The following PTGR2 variants were observed in gnomAD, a reference collection of about 807,000 sequenced individuals.
PTGR2 encodes the protein 15-oxoprostaglandin 13-reductase.
A neutral mutation model predicts 43.4 loss-of-function variants in PTGR2; 32 were observed. The ratio of observed to expected loss-of-function variants is 0.74; its 90% CI spans 0.56 to 0.99. The LOEUF (loss-of-function observed/expected upper bound fraction) is 0.99. Ranked by LOEUF, PTGR2 falls within the 50% of genes least tolerant of loss-of-function variation. PTGR2 has a pLI of 0.00. For missense variants in PTGR2, 373 were observed against 420.0 expected (o/e 0.89, Z 0.98); for synonymous variants, 106 against 139.2 (o/e 0.76, Z 1.68).
chr14:73,875,656 T>C (rs1393559363), intron 4 of PTGR2, among the ~76,000 whole-genome samples: 2 of 152,034 alleles, frequency 1.3e-5, no homozygotes, highest in East Asian at 3.9e-4. Context: ...AGTTGATATT[T>C]ATAGGTACAT....
intron 3 of PTGR2, among the ~76,000 whole-genome samples, chr14:73,868,511 C>T (rs1476976907): frequency 1.3e-5 from 2 of 152,078 alleles, no homozygotes; most frequent in South Asian, 2.1e-4. Context: ...CTGTCCCTGG[C>T]AGGATTTGCT....
At chr14:73,881,772 C>CTT (rs57377878) in intron 8 of PTGR2, among the ~76,000 whole-genome samples, 15 of 69,264 alleles carry the variant, frequency 2.2e-4, no homozygotes, top group African/African-American at 6.9e-4. Context: ...CTAGGCTATT[C>CTT]TTTTTTTTTT....
rs768694018 is a variant in PTGR2 at position 73,879,154 on chromosome 14, G to T, written c.578G>T (p.Cys193Phe). Reference protein sequence around the residue: ...VVGICGTHEKCILLTSELGFD... With the variant: ...VVGICGTHEKFILLTSELGFD... ...GGAATTTGTGGAACACATGAGAAATGCATCCTCTTGACCTCAGAACTGGGC... is the reference window on the plus strand; with the variant it reads ...GGAATTTGTGGAACACATGAGAAATTCATCCTCTTGACCTCAGAACTGGGC... The change falls in exon 6 of 10, where the codon TGC becomes TTC. Residue 193 changes from cysteine to phenylalanine, a missense_variant. Coordinates refer to ENST00000555661, the MANE Select transcript of PTGR2 (RefSeq NM_001146154.2). The T allele has an allele frequency of 6.2e-7, 1 of 1,613,968 alleles. No homozygotes were observed. The highest frequency in any genetic ancestry group is 8.5e-7 in the Non-Finnish European group (1 of 1,180,014).
chr14:73,874,774 A>T (rs2054817959), intron 4 of PTGR2: 2 of 351,098 alleles, frequency 5.7e-6, no homozygotes, highest in African/African-American at 4.3e-5. Context: ...CATGGTAAAC[A>T]AAGGTTATCT....
At chr14:73,878,990 A>G in intron 5 of PTGR2, 106 bp from the exon 6 acceptor site, 2 of 890,684 alleles carry the variant, frequency 2.2e-6, no homozygotes, top group Non-Finnish European at 3.4e-6. Flanking sequence ...TCTAACCTTA[A>G]TTGTAATGAA....
rs557445108 is a variant in PTGR2 at position 73,884,134 on chromosome 14, T to A, written c.1013T>A (p.Ile338Asn). 3.1e-6 allele frequency: 5 copies of A among 1,608,840 alleles called. No homozygotes were observed. The South Asian group carries it at 4.4e-5, about 14-fold the overall frequency. ...CAGTCCATGATGACAGGAGGTAACATTGGAAAGCAGATAGTTTGCATTTCA... is the reference window on the plus strand; with the variant it reads ...CAGTCCATGATGACAGGAGGTAACAATGGAAAGCAGATAGTTTGCATTTCA... ...AFQSMMTGGN[I>N]GKQIVCISEE... is the part of the protein sequence containing the mutation. Residue 338 changes from isoleucine (I) to asparagine (N), a missense_variant, in exon 10 of 10, where the codon ATT becomes AAT. Transcript: ENST00000555661.
intron 3 of PTGR2, among the ~76,000 whole-genome samples, chr14:73,868,977 C>A (rs993315308): frequency 6.6e-6 from 1 of 152,090 alleles, no homozygotes; most frequent in African/African-American, 2.4e-5. Context: ...AAAACAGAGT[C>A]CCAGGTACAT....
chr14:73,876,920 C>T (rs1007835603), intron 4 of PTGR2, 78 bp from the exon 5 acceptor site: 2 of 1,079,118 alleles, frequency 1.9e-6, no homozygotes, highest in Non-Finnish European at 2.7e-6. Flanking sequence ...GCAATTCAGT[C>T]CATAACACGT....
chr14:73,863,950 G>A (rs2054548967), intron 3 of PTGR2, among the ~76,000 whole-genome samples: 1 of 151,960 alleles, frequency 6.6e-6, no homozygotes, highest in African/African-American at 2.4e-5. Flanking sequence ...CCCACCCAAG[G>A]TCACCTCTTG....
intron 3 of PTGR2, among the ~76,000 whole-genome samples, chr14:73,862,163 A>T (rs892203726): frequency 1.3e-5 from 2 of 151,580 alleles, no homozygotes; most frequent in Middle Eastern, 3.4e-3. Context: ...AGACATTTTT[A>T]AAAAATGAGC....
intron 9 of PTGR2, 75 bp from the exon 10 acceptor site, chr14:73,884,026 A>G: frequency 2.4e-6 from 2 of 844,170 alleles, no homozygotes; most frequent in South Asian, 3.1e-5. Context: ...ACATAATTTT[A>G]TATGTTGTAC....
Position 73,879,191 on chromosome 14 carries a change from A to G in PTGR2, c.615A>G (p.Ala205=), listed in dbSNP as rs1417597597. 9 of 1,613,980 alleles carry G rather than the reference A, an allele frequency of 5.6e-6. No individual in the cohort carries two copies. The highest frequency in any genetic ancestry group is 7.6e-6 in the Non-Finnish European group (9 of 1,180,000). The change falls in exon 6 of 10, where the codon GCA becomes GCG. Residue 205 remains alanine, a synonymous_variant. Coordinates refer to ENST00000555661, the MANE Select transcript of PTGR2 (RefSeq NM_001146154.2). ...CCTCAGAACTGGGCTTTGATGCTGC[A>G]ATTAATTATAAAAAAGACAATGTGG... ...LLTSELGFDA[A]INYKKDNVAE...
intron 7 of PTGR2, among the ~76,000 whole-genome samples, 156 bp from the exon 8 acceptor site, chr14:73,881,049 C>T (rs1225786477): frequency 6.6e-6 from 1 of 152,140 alleles, no homozygotes; most frequent in African/African-American, 2.4e-5. Context: ...TCTACATTTA[C>T]ACCTGTAACT....
intron 8 of PTGR2, among the ~76,000 whole-genome samples, chr14:73,881,915 C>A (rs2055000322): frequency 6.6e-6 from 1 of 150,884 alleles, no homozygotes; most frequent in African/African-American, 2.4e-5. Flanking sequence ...TCCCGAGTAG[C>A]TGGGATTACA....
At chr14:73,879,358 A>G (rs1434697238) in intron 6 of PTGR2, 53 bp downstream of exon 6, 10 of 1,515,218 alleles carry the variant, frequency 6.6e-6, no homozygotes, top group African/African-American at 2.8e-5. Context: ...ATATGTTGTG[A>G]TATCTTTTTA....
rs766058778 is a variant in PTGR2 at position 73,880,104 on chromosome 14, A to G, written c.779A>G (p.Asn260Ser). ...IILCGQISQYNKDVPYPPPLS... is the reference protein window; with the variant it reads ...IILCGQISQYSKDVPYPPPLS... ...CTGTGTGGTCAAATTTCTCAGTACA[A>G]CAAAGATGTGCCTTATCCTCCCCCG... Residue 260 changes from asparagine to serine, a missense_variant, in exon 7 of 10, where the codon AAC becomes AGC. Physicochemically the swap from Asn to Ser is conservative, Grantham distance 46. Coordinates refer to ENST00000555661, the MANE Select transcript of PTGR2 (RefSeq NM_001146154.2). 7 of 1,613,842 alleles carry G rather than the reference A, an allele frequency of 4.3e-6. No homozygotes were observed. In the Admixed American group the frequency reaches 8.3e-5, roughly 19 times the overall value.
intron 8 of PTGR2, 124 bp downstream of exon 8, chr14:73,881,416 C>A (rs1255546640): frequency 5.2e-6 from 3 of 580,020 alleles, no homozygotes; most frequent in Non-Finnish European, 9.2e-6. Context: ...GAAAAGTATG[C>A]TGAATATTAT....
intron 5 of PTGR2, 68 bp downstream of exon 5, chr14:73,877,236 C>T (rs2054886761): frequency 7.3e-7 from 1 of 1,370,858 alleles, no homozygotes; most frequent in East Asian, 2.3e-5. Context: ...AATTGAAATT[C>T]CGGATATATG....
At chr14:73,852,692 G>A (rs985105676) in intron 1 of PTGR2, among the ~76,000 whole-genome samples, 6 of 152,208 alleles carry the variant, frequency 3.9e-5, no homozygotes, top group African/African-American at 1.2e-4. Flanking sequence ...GAGCCACAGG[G>A]CTCAGGGAGG....
Sources: allele counts gnomAD v4.1 joint callset (sites outside exome capture counted in the v4.1 genomes callset), GRCh38; gene constraint gnomAD v4.1.1; transcripts MANE v1.5; gene names NCBI Gene and HGNC (gene_info 2026-07-23, HGNC 2026-07-21).